GRID2: variants seen among roughly 807,000 people sequenced by gnomAD.
GRID2 encodes the protein glutamate receptor ionotropic, delta-2.
A neutral mutation model predicts 114.8 loss-of-function variants in GRID2; 33 were observed. That is an observed-to-expected ratio of 0.29 (90% CI 0.22 to 0.38). The LOEUF (loss-of-function observed/expected upper bound fraction) is 0.38, where lower values mean the gene tolerates loss of function less well. Ranked by LOEUF, GRID2 falls within the 10% of genes least tolerant of loss-of-function variation. The pLI is 1.00. For synonymous variants in GRID2, 505 were observed against 449.9 expected (o/e 1.12, Z -1.55); for missense variants, 1,184 against 1,257.7 (o/e 0.94, Z 0.89).
chr4:92,778,901 G>C (rs1436718419), intron 2 of GRID2, among the ~76,000 whole-genome samples: 1 of 152,000 alleles, frequency 6.6e-6, no homozygotes, highest in Non-Finnish European at 1.5e-5. Flanking sequence ...ATATAAAAGA[G>C]CTTAATCCTC....
chr4:92,663,362 A>G (rs934988730), intron 2 of GRID2, among the ~76,000 whole-genome samples: 11 of 151,208 alleles, frequency 7.3e-5, no homozygotes, highest in African/African-American at 2.7e-4. Flanking sequence ...AAATCAAAAA[A>G]GGTTAGAGAT....
intron 1 of GRID2, among the ~76,000 whole-genome samples, chr4:92,485,814 T>G (rs548827628): frequency 1.3e-5 from 2 of 152,312 alleles, no homozygotes; most frequent in South Asian, 2.1e-4. Flanking sequence ...TCTGCATTAA[T>G]TTTATGTTTG....
chr4:93,038,778 G>A (rs1195045035), intron 2 of GRID2, among the ~76,000 whole-genome samples: 1 of 151,604 alleles, frequency 6.6e-6, no homozygotes, highest in Non-Finnish European at 1.5e-5. Flanking sequence ...GTGACAGAGT[G>A]AGACTCTGTC....
At chr4:92,886,697 C>T (rs1279068522) in intron 2 of GRID2, among the ~76,000 whole-genome samples, 3 of 152,152 alleles carry the variant, frequency 2.0e-5, no homozygotes, top group Non-Finnish European at 4.4e-5. Flanking sequence ...GCGATTTAGG[C>T]TCACTGCAAG....
At chr4:93,678,899 A>G (rs1271623313) in intron 14 of GRID2, among the ~76,000 whole-genome samples, 1 of 151,060 alleles carries the variant, frequency 6.6e-6, no homozygotes, top group Admixed American at 6.6e-5. Flanking sequence ...CTAACATCAT[A>G]ATGACAGGAT....
chr4:93,510,735 A>G (rs1248029205), intron 12 of GRID2, among the ~76,000 whole-genome samples: 1 of 152,138 alleles, frequency 6.6e-6, no homozygotes, highest in Non-Finnish European at 1.5e-5. Context: ...AAAAATACCA[A>G]TAGAAATTAT....
chr4:92,960,551 G>C (rs1009943102), intron 2 of GRID2, among the ~76,000 whole-genome samples: 1 of 151,822 alleles, frequency 6.6e-6, no homozygotes, highest in Non-Finnish European at 1.5e-5. Context: ...TCTGACGTCG[G>C]CTCTGTCTGA....
chr4:92,998,075 C>G (rs934741733), intron 2 of GRID2, among the ~76,000 whole-genome samples: 1 of 151,930 alleles, frequency 6.6e-6, no homozygotes, highest in Admixed American at 6.6e-5. Flanking sequence ...TCCCCTGAAC[C>G]AATCCTATGG....
At chr4:93,016,839 GT>G (rs1459940267) in intron 2 of GRID2, among the ~76,000 whole-genome samples, 1 of 152,148 alleles carries the variant, frequency 6.6e-6, no homozygotes, top group Admixed American at 6.6e-5. Context: ...GAGCACACTT[GT>G]TTTTAGAATA....
intron 14 of GRID2, among the ~76,000 whole-genome samples, chr4:93,749,935 A>G (rs1418399316): frequency 3.3e-5 from 5 of 152,254 alleles, no homozygotes; most frequent in Non-Finnish European, 7.3e-5. Flanking sequence ...AGAATTATAT[A>G]ACTGAATTGC....
intron 8 of GRID2, among the ~76,000 whole-genome samples, chr4:93,386,574 A>G (rs932766443): frequency 3.9e-5 from 6 of 152,246 alleles, no homozygotes; most frequent in Admixed American, 3.3e-4. Flanking sequence ...TAGTATAATC[A>G]AGAGTCCAGA....
At chr4:92,841,318 T>C (rs1042768083) in intron 2 of GRID2, among the ~76,000 whole-genome samples, 4 of 152,080 alleles carry the variant, frequency 2.6e-5, no homozygotes, top group Non-Finnish European at 5.9e-5. Context: ...TTTCAACAAG[T>C]ACCATACATT....
At chr4:93,457,614 G>T (rs1186428953) in intron 11 of GRID2, among the ~76,000 whole-genome samples, 2 of 152,196 alleles carry the variant, frequency 1.3e-5, no homozygotes, top group Non-Finnish European at 2.9e-5. Flanking sequence ...TGAGCAAAGA[G>T]TTGATGTGGC....
chr4:93,161,667 A>T (rs1252921744), intron 4 of GRID2, among the ~76,000 whole-genome samples: 1 of 151,860 alleles, frequency 6.6e-6, no homozygotes, highest in African/African-American at 2.4e-5. Context: ...GGTAAAAAAA[A>T]TAACAATTTT....
chr4:92,810,260 A>G (rs1459072197), intron 2 of GRID2, among the ~76,000 whole-genome samples: 1 of 151,128 alleles, frequency 6.6e-6, no homozygotes, highest in African/African-American at 2.4e-5. Flanking sequence ...TTTTTTTGCA[A>G]ATTTCACGGA....
At chr4:92,640,475 CA>C (rs1731289591) in intron 2 of GRID2, among the ~76,000 whole-genome samples, 1 of 151,700 alleles carries the variant, frequency 6.6e-6, no homozygotes, top group Non-Finnish European at 1.5e-5. Context: ...ATAGGTCAAA[CA>C]GAAATGTAAC....
intron 1 of GRID2, among the ~76,000 whole-genome samples, chr4:92,352,989 T>C (rs1378798923): frequency 6.6e-6 from 1 of 151,804 alleles, no homozygotes; most frequent in Non-Finnish European, 1.5e-5. Context: ...TCTCTTTCTC[T>C]TCTTCTGATA....
intron 4 of GRID2, among the ~76,000 whole-genome samples, chr4:93,124,117 G>A (rs201385881): frequency 3.6e-4 from 52 of 143,750 alleles, no homozygotes; most frequent in East Asian, 6.2e-4. Flanking sequence ...AAAAAAAAAA[G>A]AAAAAAAAAA....
At chr4:92,623,284 C>G (rs1020987791) in intron 2 of GRID2, among the ~76,000 whole-genome samples, 1 of 151,144 alleles carries the variant, frequency 6.6e-6, no homozygotes, top group South Asian at 2.1e-4. Context: ...AGCATCTGAA[C>G]TATAAATAAA....
Sources: allele counts gnomAD v4.1 joint callset (sites outside exome capture counted in the v4.1 genomes callset), GRCh38; gene constraint gnomAD v4.1.1; transcripts MANE v1.5; gene names NCBI Gene and HGNC (gene_info 2026-07-23, HGNC 2026-07-21).